Variants in CTNNA2 observed in about 807,000 individuals in gnomAD.
CTNNA2 encodes the protein catenin alpha 2.
In CTNNA2, 42 loss-of-function variants were observed where a neutral mutation model predicts 101.0. The observed-to-expected ratio is 0.42, with a 90% CI of 0.32 to 0.54. CTNNA2 has a LOEUF of 0.54. Among genes scored for constraint, CTNNA2 ranks in the 20% least tolerant of loss-of-function variants. CTNNA2 has a pLI of 0.14. For synonymous variants in CTNNA2, 450 were observed against 456.4 expected, an observed-to-expected ratio of 0.99 and a Z score of 0.18; for missense variants, 871 against 1,223.1, an observed-to-expected ratio of 0.71 and a Z score of 4.29.
intron 15 of CTNNA2, among the ~76,000 whole-genome samples, chr2:80,598,747 ATTATG>A (rs1294117020): frequency 1.3e-5 from 2 of 152,202 alleles, no homozygotes; most frequent in Admixed American, 6.5e-5. Context: ...CCTTTAGATA[ATTATG>A]CTGAGTGAAA....
At chr2:80,080,807 C>G (rs933000170) in intron 7 of CTNNA2, among the ~76,000 whole-genome samples, 4 of 151,922 alleles carry the variant, frequency 2.6e-5, no homozygotes, top group Non-Finnish European at 5.9e-5. Context: ...CAGACACAAA[C>G]CTCCATGTAT....
At chr2:79,273,120 T>G (rs2104306798) in intron 2 of CTNNA2, among the ~76,000 whole-genome samples, 1 of 152,160 alleles carries the variant, frequency 6.6e-6, no homozygotes, top group South Asian at 2.1e-4. Context: ...TTCTTTACCA[T>G]GCAACAACAT....
chr2:80,092,733 C>A (rs1217574811), intron 7 of CTNNA2, among the ~76,000 whole-genome samples: 1 of 152,094 alleles, frequency 6.6e-6, no homozygotes, highest in Admixed American at 6.6e-5. Context: ...TAGCTGCTGC[C>A]AAGGTCTCTC....
At chr2:80,501,451 A>G (rs980492899) in intron 9 of CTNNA2, among the ~76,000 whole-genome samples, 3 of 152,226 alleles carry the variant, frequency 2.0e-5, no homozygotes, top group African/African-American at 7.2e-5. Context: ...TGGTTAGAGA[A>G]CTGCTTTAGT....
chr2:79,211,416 G>A (rs1674171422), intron 2 of CTNNA2, among the ~76,000 whole-genome samples: 2 of 152,170 alleles, frequency 1.3e-5, no homozygotes, highest in South Asian at 4.1e-4. Flanking sequence ...ATTTCACCTG[G>A]GTGCAGGCGG....
rs1676489897 is a variant in CTNNA2, at chr2:80,302,875, C to G, written c.1057-90336C>G. On this transcript the variant is annotated intron_variant, in intron 7 of 18. Coordinates refer to ENST00000402739, the MANE Select transcript of CTNNA2 (RefSeq NM_001282597.3). The surrounding 1 kb of genome is among the most constrained non-coding windows in gnomAD (Gnocchi z 6.4). ...CACACACGTTGCGCCCGCAATCCCA[C>G]AGGTTCCCGGCCAGGGTGATGCTTG... 6.2e-7 allele frequency: 1 copy of G among 1,614,168 alleles called. No homozygotes were observed. Among genetic ancestry groups the G allele is most frequent in the East Asian group, 2.2e-5 (1 of 44,866 alleles).
intron 9 of CTNNA2, among the ~76,000 whole-genome samples, chr2:80,478,609 C>A (rs933075326): frequency 6.6e-6 from 1 of 152,018 alleles, no homozygotes; most frequent in Non-Finnish European, 1.5e-5. Context: ...CAGTTATTTT[C>A]CCAGCACTAT....
At chr2:80,634,210 T>C (rs372910051) in intron 18 of CTNNA2, among the ~76,000 whole-genome samples, 2 of 152,018 alleles carry the variant, frequency 1.3e-5, no homozygotes, top group East Asian at 1.9e-4. Context: ...AAAATATGAG[T>C]ATATAAGAAT....
At chr2:79,905,379 G>T (rs1017006182) in intron 6 of CTNNA2, among the ~76,000 whole-genome samples, 1 of 152,142 alleles carries the variant, frequency 6.6e-6, no homozygotes, top group Non-Finnish European at 1.5e-5. Flanking sequence ...ATGACTAAAT[G>T]AGCTTTAAGA....
intron 9 of CTNNA2, among the ~76,000 whole-genome samples, chr2:80,445,518 A>T (rs908770652): frequency 3.3e-5 from 5 of 152,254 alleles, no homozygotes; most frequent in Non-Finnish European, 7.4e-5. Context: ...CTTTAAATTT[A>T]TGTTTGCCTA....
chr2:79,286,998 C>T (rs1365840812), intron 2 of CTNNA2, among the ~76,000 whole-genome samples: 1 of 152,164 alleles, frequency 6.6e-6, no homozygotes, highest in Admixed American at 6.6e-5. Context: ...TGCTTCATTT[C>T]ATTCATTTCA....
intron 7 of CTNNA2, among the ~76,000 whole-genome samples, chr2:80,307,066 A>ATTGCTTTTTGC: frequency 6.7e-6 from 1 of 148,590 alleles, no homozygotes; most frequent in African/African-American, 2.4e-5. Context: ...TATTATATAT[A>ATTGCTTTTTGC]AATATATATT....
intron 2 of CTNNA2, among the ~76,000 whole-genome samples, chr2:79,288,677 A>T (rs565672686): frequency 2.2e-4 from 33 of 152,162 alleles, no homozygotes; most frequent in African/African-American, 7.7e-4. Flanking sequence ...TTGGAGTTCC[A>T]ACTGCTGTTT....
At chr2:79,911,345 T>G (rs1468234028) in intron 7 of CTNNA2, among the ~76,000 whole-genome samples, 1 of 152,268 alleles carries the variant, frequency 6.6e-6, no homozygotes, top group Non-Finnish European at 1.5e-5. Flanking sequence ...GAATAGTTAC[T>G]GCCAAAGAAG....
At chr2:80,238,023 T>C in intron 7 of CTNNA2, among the ~76,000 whole-genome samples, 1 of 152,062 alleles carries the variant, frequency 6.6e-6, no homozygotes, top group East Asian at 1.9e-4. Context: ...TAAAGCTACA[T>C]TTAGGTATCT....
At chr2:80,399,243 A>C (rs780718252) in intron 8 of CTNNA2, among the ~76,000 whole-genome samples, 3 of 151,968 alleles carry the variant, frequency 2.0e-5, no homozygotes, top group Non-Finnish European at 4.4e-5. Context: ...AACAACCCTA[A>C]ATGTCAGAGC....
intron 2 of CTNNA2, among the ~76,000 whole-genome samples, chr2:79,732,841 T>G (rs1687288439): frequency 6.6e-6 from 1 of 152,090 alleles, no homozygotes; most frequent in Non-Finnish European, 1.5e-5. Flanking sequence ...TTTCTACCTG[T>G]GGCTTCTTCG....
rs869061321 is a variant in CTNNA2 at position 80,020,993 on chromosome 2, C to CTTTT, written c.1056+111219_1056+111222dup. ...TGAAATTTTTGGAATGACCAATCAT[C>CTTTT]TTTTTTTTTTTTTTTTTTTTTTTTT... On this transcript the variant is annotated intron_variant, in intron 7 of 18. Transcript: ENST00000402739. 3.2e-3 allele frequency among the ~76,000 whole-genome samples: 287 copies of CTTTT among 89,352 alleles called. 27 individuals carry two copies. Among genetic ancestry groups the CTTTT allele is most frequent in the East Asian group, 0.014 (40 of 2,952 alleles). The allele number at this position is 89,352 out of a possible 152,430, so 58.6% of individuals were successfully genotyped here.
chr2:80,312,979 T>C (rs1677745328), intron 7 of CTNNA2, among the ~76,000 whole-genome samples: 1 of 152,242 alleles, frequency 6.6e-6, no homozygotes, highest in African/African-American at 2.4e-5. Context: ...TCTCATTGAA[T>C]TGAGTTTATT....
Sources: gnomAD v4.1 joint callset for allele counts (sites outside exome capture counted in the v4.1 genomes callset) on GRCh38, gnomAD v4.1.1 for gene constraint, Gnocchi (gnomAD v3.1) non-coding constraint, MANE v1.5 for transcripts, NCBI Gene and HGNC (gene_info 2026-07-23, HGNC 2026-07-21) for gene names.